TMEM178B: variants seen among roughly 807,000 people sequenced by gnomAD.
The protein encoded by TMEM178B is transmembrane protein 178B.
Under a neutral mutation model 31.0 loss-of-function variants are expected in TMEM178B, and 5 were observed. The ratio of observed to expected loss-of-function variants is 0.16; its 90% CI spans 0.08 to 0.34. The LOEUF (loss-of-function observed/expected upper bound fraction) is 0.34. TMEM178B is among the 10% of genes least tolerant of loss of function. The probability of loss-of-function intolerance (pLI) is 1.00; values close to 1 mark genes in which losing one functional copy is unlikely to be tolerated. For missense variants in TMEM178B, 275 were observed against 400.3 expected, an observed-to-expected ratio of 0.69 and a Z score of 2.67; for synonymous variants, 164 against 164.0, an observed-to-expected ratio of 1.00 and a Z score of 0.00.
At chr7:141,132,586 G>A (rs2129177932) in intron 1 of TMEM178B, among the ~76,000 whole-genome samples, 1 of 152,218 alleles carries the variant, frequency 6.6e-6, no homozygotes, top group South Asian at 2.1e-4. Context: ...CCTGGGAACT[G>A]GTCTGCCCAG....
chr7:141,189,929 T>C (rs1490154991), intron 1 of TMEM178B, among the ~76,000 whole-genome samples: 1 of 152,126 alleles, frequency 6.6e-6, no homozygotes, highest in Non-Finnish European at 1.5e-5. Flanking sequence ...GAGAGGGGAA[T>C]TGGCCATCCC....
chr7:141,446,690 A>C (rs1801764021), intron 3 of TMEM178B, among the ~76,000 whole-genome samples: 2 of 152,136 alleles, frequency 1.3e-5, no homozygotes, highest in African/African-American at 4.8e-5. Context: ...TGGCCCTAGG[A>C]AAGTTTCTTA....
At chr7:141,442,196 G>A (rs961841772) in intron 3 of TMEM178B, among the ~76,000 whole-genome samples, 1 of 152,006 alleles carries the variant, frequency 6.6e-6, no homozygotes, top group Non-Finnish European at 1.5e-5. Context: ...AAACATCAAC[G>A]TATGCCCTAC....
intron 2 of TMEM178B, among the ~76,000 whole-genome samples, chr7:141,262,099 A>C (rs6951796): frequency 0.84 from 127,196 of 152,120 alleles, 53,422 homozygotes; most frequent in East Asian, 0.99. Context: ...GAGAAGATAG[A>C]GGTGCCAAAA....
intron 2 of TMEM178B, among the ~76,000 whole-genome samples, chr7:141,336,133 G>A (rs55901733): frequency 1.1e-4 from 16 of 152,114 alleles, no homozygotes; most frequent in African/African-American, 3.9e-4. Context: ...GAAGAATCTC[G>A]CTGGCCCCGC....
intron 1 of TMEM178B, among the ~76,000 whole-genome samples, chr7:141,131,413 A>G (rs965453415): frequency 3.3e-5 from 5 of 152,176 alleles, no homozygotes; most frequent in African/African-American, 7.2e-5. Flanking sequence ...GAGTGTAACT[A>G]TCACCCAAAA....
intron 1 of TMEM178B, among the ~76,000 whole-genome samples, chr7:141,193,728 A>G (rs117287668): frequency 1.7e-3 from 256 of 152,270 alleles, no homozygotes; most frequent in East Asian, 6.6e-3. Context: ...CTCAGGCCCC[A>G]ACTCTGGTGC....
At chr7:141,144,446 TA>T (rs1795820442) in intron 1 of TMEM178B, among the ~76,000 whole-genome samples, 1 of 152,178 alleles carries the variant, frequency 6.6e-6, no homozygotes, top group African/African-American at 2.4e-5. Context: ...AGAGGCTCAA[TA>T]AATGTGCTAA....
chr7:141,332,090 C>T (rs2116492089), intron 2 of TMEM178B, among the ~76,000 whole-genome samples: 1 of 152,180 alleles, frequency 6.6e-6, no homozygotes, highest in East Asian at 1.9e-4. Flanking sequence ...CTGACCTTCA[C>T]ATCTGTCATT....
intron 3 of TMEM178B, among the ~76,000 whole-genome samples, chr7:141,462,620 A>G (rs1361402766): frequency 1.3e-5 from 2 of 152,118 alleles, no homozygotes; most frequent in African/African-American, 4.8e-5. Flanking sequence ...CCAAAAAACT[A>G]AAATTAGCAA....
rs1213354464 is a variant in TMEM178B at position 141,473,804 on chromosome 7, G to A, written c.*3018G>A. ...ACCAGGATAGAGGCCCCTTTCAGAC[G>A]GCAAGTCCTGGCCAATGGGAGGACT... On this transcript the variant is annotated 3_prime_UTR_variant, in exon 4 of 4. Coordinates refer to ENST00000565468, the MANE Select transcript of TMEM178B (RefSeq NM_001195278.2). 1 of 152,190 alleles carries A rather than the reference G, an allele frequency of 6.6e-6. No homozygotes were observed. Among genetic ancestry groups the A allele is most frequent in the Non-Finnish European group, 1.5e-5 (1 of 68,064 alleles). 9.4% of individuals were successfully genotyped at this position (152,190 alleles called of 1,614,324 possible).
At chr7:141,349,917 C>T (rs922890438) in intron 2 of TMEM178B, among the ~76,000 whole-genome samples, 1 of 152,062 alleles carries the variant, frequency 6.6e-6, no homozygotes, top group Non-Finnish European at 1.5e-5. Context: ...TTTGCTGAAA[C>T]CCTGAGGAAG....
Position 141,303,078 on chromosome 7 carries a change from A to G in TMEM178B, c.496+90374A>G, listed in dbSNP as rs559926389. 5.7e-4 allele frequency among the ~76,000 whole-genome samples: 87 copies of G among 152,262 alleles called. 2 individuals carry two copies. The South Asian group carries it at 0.017, about 29-fold the overall frequency. On this transcript the variant is annotated intron_variant, in intron 2 of 3. Transcript: ENST00000565468. Reference sequence around the variant, plus strand: ...ATTTGGTCATTTAAATGGCTAACCAATTTGCAACTAGGTTCTTTCTCGAGG... The same window carrying G: ...ATTTGGTCATTTAAATGGCTAACCAGTTTGCAACTAGGTTCTTTCTCGAGG...
At chr7:141,338,412 G>A (rs756940067) in intron 2 of TMEM178B, among the ~76,000 whole-genome samples, 2 of 152,086 alleles carry the variant, frequency 1.3e-5, no homozygotes, top group Non-Finnish European at 2.9e-5. Context: ...AATCTTTGGG[G>A]TTCGAGCTGG....
At chr7:141,498,881 T>A in the TMEM178B span, among the ~76,000 whole-genome samples, 1 of 152,218 alleles carries the variant, frequency 6.6e-6, no homozygotes, top group South Asian at 2.1e-4. Flanking sequence ...TTTTGAGGAA[T>A]CATGAAAGAG....
intron 2 of TMEM178B, among the ~76,000 whole-genome samples, chr7:141,297,597 A>G (rs217029): frequency 0.1 from 15,792 of 152,158 alleles, 1,239 homozygotes; most frequent in African/African-American, 0.21. Flanking sequence ...ATGAGTGAGA[A>G]CATGTGGTGT....
At chr7:141,297,688 A>G (rs1186704103) in intron 2 of TMEM178B, among the ~76,000 whole-genome samples, 1 of 152,136 alleles carries the variant, frequency 6.6e-6, no homozygotes, top group East Asian at 1.9e-4. Context: ...ACATGAACTC[A>G]TCCTTTTTTA....
chr7:141,316,380 T>G (rs1357604560), intron 2 of TMEM178B, among the ~76,000 whole-genome samples: 2 of 152,190 alleles, frequency 1.3e-5, no homozygotes, highest in African/African-American at 2.4e-5. Flanking sequence ...CTTTAGGAAT[T>G]TGTATGTTTA....
At position 141,461,836 on chromosome 7, in the gene TMEM178B, CAG is replaced by C. The variant is rs1487285978; in HGVS notation, c.635-8698_635-8697del. On this transcript the variant is annotated intron_variant, in intron 3 of 3. Transcript: ENST00000565468. This position sits in a 1 kb window ranked among gnomAD's most constrained non-coding sequence, Gnocchi z 4.0. ...GGCTCCGTAACTCTGCATATCAACT[CAG>C]AAATATTTTGGTCATTAACCTTTAA... 6.6e-6 allele frequency among the ~76,000 whole-genome samples: 1 copy of C among 152,204 alleles called. No individual in the cohort carries two copies. Among genetic ancestry groups the C allele is most frequent in the Non-Finnish European group, 1.5e-5 (1 of 68,036 alleles).
Sources: gnomAD v4.1 joint callset for allele counts (sites outside exome capture counted in the v4.1 genomes callset) on GRCh38, gnomAD v4.1.1 for gene constraint, Gnocchi (gnomAD v3.1) non-coding constraint, MANE v1.5 for transcripts, NCBI Gene and HGNC (gene_info 2026-07-23, HGNC 2026-07-21) for gene names.